The following KCNIP4 variants were observed in gnomAD, a reference collection of about 807,000 sequenced individuals.
KCNIP4 encodes the protein potassium voltage-gated channel interacting protein 4.
In KCNIP4, 12 loss-of-function variants were observed where a neutral mutation model predicts 34.0. That is an observed-to-expected ratio of 0.35 (90% CI 0.23 to 0.57). The LOEUF (loss-of-function observed/expected upper bound fraction) is 0.57. Among genes scored for constraint, KCNIP4 ranks in the 20% least tolerant of loss-of-function variants. The pLI is 0.83. For synonymous variants in KCNIP4, 124 were observed against 102.2 expected (o/e 1.21, Z -1.29); for missense variants, 238 against 311.7 (o/e 0.76, Z 1.78).
chr4:21,222,540 C>T (rs1323773570), intron 1 of KCNIP4, among the ~76,000 whole-genome samples: 1 of 152,114 alleles, frequency 6.6e-6, no homozygotes, highest in East Asian at 1.9e-4. Context: ...GAAAAAAACA[C>T]AAGGTGTTTT....
chr4:21,071,817 G>A (rs9291422), intron 1 of KCNIP4, among the ~76,000 whole-genome samples: 6,880 of 151,850 alleles, frequency 0.045, 520 homozygotes, highest in African/African-American at 0.16. Context: ...AACAGTCCCC[G>A]GTGTGTGATG....
At chr4:20,787,905 G>T (rs1712220722) in intron 3 of KCNIP4, among the ~76,000 whole-genome samples, 1 of 152,000 alleles carries the variant, frequency 6.6e-6, no homozygotes, top group South Asian at 2.1e-4. Flanking sequence ...TCTTACTTAT[G>T]AAGGTTTTTA....
chr4:21,099,670 G>C (rs1020560820), intron 1 of KCNIP4, among the ~76,000 whole-genome samples: 2 of 152,110 alleles, frequency 1.3e-5, no homozygotes, highest in African/African-American at 4.8e-5. Context: ...TAATGTTATA[G>C]CTGCCATGAA....
intron 1 of KCNIP4, among the ~76,000 whole-genome samples, chr4:21,379,567 C>G (rs1721288403): frequency 6.6e-6 from 1 of 152,140 alleles, no homozygotes; most frequent in South Asian, 2.1e-4. Context: ...AATTCTCTCT[C>G]TTTCATATTA....
intron 8 of KCNIP4, 72 bp from the exon 9 acceptor site, chr4:20,730,201 G>GTATTGCCTCCTCCCA: frequency 6.7e-7 from 1 of 1,502,854 alleles, no homozygotes; most frequent in Middle Eastern, 1.8e-4. Context: ...TTGCCCCTGA[G>GTATTGCCTCCTCCCA]TATTGCCTCC....
intron 1 of KCNIP4, among the ~76,000 whole-genome samples, chr4:21,842,135 C>T (rs1311929299): frequency 1.3e-5 from 2 of 152,100 alleles, no homozygotes; most frequent in African/African-American, 4.8e-5. Flanking sequence ...TTTGCTAATT[C>T]ATGCCCCAAA....
intron 1 of KCNIP4, among the ~76,000 whole-genome samples, chr4:21,309,098 AAAT>A (rs1712828392): frequency 2.0e-5 from 3 of 152,350 alleles, no homozygotes; most frequent in East Asian, 1.9e-4. Context: ...TTTGGAAGAA[AAAT>A]AATGTTTATA....
intron 1 of KCNIP4, among the ~76,000 whole-genome samples, chr4:21,148,046 C>T (rs1054495774): frequency 6.6e-6 from 1 of 151,466 alleles, no homozygotes; most frequent in African/African-American, 2.4e-5. Flanking sequence ...GGCATTTTCC[C>T]CTCCAAATCA....
At chr4:21,282,711 T>C (rs1475180772) in intron 1 of KCNIP4, among the ~76,000 whole-genome samples, 1 of 152,148 alleles carries the variant, frequency 6.6e-6, no homozygotes, top group Non-Finnish European at 1.5e-5. Flanking sequence ...TGCTGGCAAA[T>C]TGTGCTGTTG....
At chr4:21,617,761 C>T (rs1200529333) in intron 1 of KCNIP4, among the ~76,000 whole-genome samples, 2 of 152,264 alleles carry the variant, frequency 1.3e-5, no homozygotes, top group East Asian at 1.9e-4. Flanking sequence ...AGAAATTAAT[C>T]TCCTCCTTTT....
chr4:20,734,931 C>T (rs1208153564), intron 5 of KCNIP4, among the ~76,000 whole-genome samples, 196 bp from the exon 6 acceptor site: 1 of 152,012 alleles, frequency 6.6e-6, no homozygotes, highest in Non-Finnish European at 1.5e-5. Flanking sequence ...TTTTCATATT[C>T]TAATTGGAAA....
chr4:21,509,593 G>C (rs1734132413), intron 1 of KCNIP4, among the ~76,000 whole-genome samples: 1 of 152,046 alleles, frequency 6.6e-6, no homozygotes, highest in African/African-American at 2.4e-5. Flanking sequence ...TATAGATGAG[G>C]AAAGTGAGCC....
At chr4:21,756,385 G>C (rs1382328730) in intron 1 of KCNIP4, among the ~76,000 whole-genome samples, 1 of 151,696 alleles carries the variant, frequency 6.6e-6, no homozygotes, top group Non-Finnish European at 1.5e-5. Context: ...GAAACCCCAT[G>C]TCTACTAAAA....
In KCNIP4 at chr4:21,404,983, G is replaced by A. The variant is rs886764061; in HGVS notation, c.62-522274C>T. On this transcript the variant is annotated intron_variant, in intron 1 of 8. Coordinates refer to ENST00000382152, the MANE Select transcript of KCNIP4 (RefSeq NM_025221.6). ...TCTGTGCACTTCCTTGTAAAAACCA[G>A]TTTTAGCAAGAACCTTGATGTCAGT... Among the ~76,000 whole-genome samples the A allele has an allele frequency of 2.0e-5, 3 of 152,108 alleles. No homozygotes were observed. The East Asian group carries it at 5.8e-4, about 29-fold the overall frequency.
At chr4:21,923,698 A>T (rs1048783217) in intron 1 of KCNIP4, among the ~76,000 whole-genome samples, 1 of 152,174 alleles carries the variant, frequency 6.6e-6, no homozygotes, top group African/African-American at 2.4e-5. Context: ...CAGCCACTCT[A>T]GCCCACCGTG....
chr4:21,427,042 G>A (rs1725990562), intron 1 of KCNIP4, among the ~76,000 whole-genome samples: 1 of 151,788 alleles, frequency 6.6e-6, no homozygotes, highest in South Asian at 2.1e-4. Context: ...CTCTTTTTGT[G>A]CAATGGTAGG....
intron 1 of KCNIP4, among the ~76,000 whole-genome samples, chr4:21,429,248 CT>C (rs776487182): frequency 5.3e-5 from 8 of 152,154 alleles, no homozygotes; most frequent in Non-Finnish European, 8.8e-5. Flanking sequence ...GTTACACAGT[CT>C]TTTCAGAGTA....
intron 1 of KCNIP4, among the ~76,000 whole-genome samples, chr4:21,926,344 C>A (rs1038291759): frequency 1.3e-5 from 2 of 152,132 alleles, no homozygotes; most frequent in Non-Finnish European, 2.9e-5. Flanking sequence ...GCCTACCTCC[C>A]ATTACTACAA....
intron 1 of KCNIP4, among the ~76,000 whole-genome samples, chr4:21,834,419 T>C (rs1723190276): frequency 6.6e-6 from 1 of 152,224 alleles, no homozygotes; most frequent in Non-Finnish European, 1.5e-5. Flanking sequence ...ATAAGAATGC[T>C]TGTGATTTTT....
Sources: allele counts gnomAD v4.1 joint callset (sites outside exome capture counted in the v4.1 genomes callset), GRCh38; gene constraint gnomAD v4.1.1; transcripts MANE v1.5; gene names NCBI Gene and HGNC (gene_info 2026-07-23, HGNC 2026-07-21).